TENM3: variants seen among roughly 807,000 people sequenced by gnomAD.
The protein encoded by TENM3 is teneurin transmembrane protein 3.
A neutral mutation model predicts 255.1 loss-of-function variants in TENM3; 63 were observed. That is an observed-to-expected ratio of 0.25 (90% CI 0.20 to 0.30). The LOEUF is 0.30. Ranked by LOEUF, TENM3 falls within the 10% of genes least tolerant of loss-of-function variation. The pLI is 1.00. For synonymous variants in TENM3, 1,306 were observed against 1,322.3 expected, an observed-to-expected ratio of 0.99 and a Z score of 0.27; for missense variants, 2,929 against 3,461.1, an observed-to-expected ratio of 0.85 and a Z score of 3.86.
intron 1 of TENM3, among the ~76,000 whole-genome samples, chr4:182,196,853 G>A (rs1753859866): frequency 6.6e-6 from 1 of 152,098 alleles, no homozygotes; most frequent in African/African-American, 2.4e-5. Context: ...AACCTAAAGA[G>A]CATGGCTTCT....
chr4:181,868,699 T>C, the TENM3 span, among the ~76,000 whole-genome samples: 3 of 152,196 alleles, frequency 2.0e-5, no homozygotes, highest in Admixed American at 6.5e-5. Flanking sequence ...GTAATTAATA[T>C]GGGATGAAGA....
intron 3 of TENM3, among the ~76,000 whole-genome samples, chr4:182,487,153 C>A (rs1734834818): frequency 6.6e-6 from 1 of 152,086 alleles, no homozygotes; most frequent in Non-Finnish European, 1.5e-5. Flanking sequence ...GTGTGGGATA[C>A]AATGTGGAAG....
chr4:181,747,989 C>A, the TENM3 span, among the ~76,000 whole-genome samples: 1 of 151,982 alleles, frequency 6.6e-6, no homozygotes, highest in Admixed American at 6.6e-5. Flanking sequence ...CTTGGCATGT[C>A]TCTACCAGCA....
rs543105073 is a variant in TENM3, at chr4:182,723,407, A to C, written c.2369-5558A>C. ...TTCTAATTCGGACTTGAAACTTGGA[A>C]GTTGAGGGGTGGGGGCGAAGTACCA... On this transcript the variant is annotated intron_variant, in intron 13 of 27. Coordinates refer to ENST00000511685, the MANE Select transcript of TENM3 (RefSeq NM_001080477.4). Among the ~76,000 whole-genome samples the C allele has an allele frequency of 6.7e-4, 102 of 152,266 alleles. 1 individual carries two copies. The South Asian group carries it at 0.021, about 31-fold the overall frequency.
chr4:182,496,334 A>G (rs769889351), intron 3 of TENM3, among the ~76,000 whole-genome samples: 30 of 152,182 alleles, frequency 2.0e-4, no homozygotes, highest in Non-Finnish European at 2.9e-4. Context: ...TTCCTTTTAC[A>G]GAAATGATAT....
chr4:181,683,134 T>A, the TENM3 span, among the ~76,000 whole-genome samples: 1 of 152,054 alleles, frequency 6.6e-6, no homozygotes, highest in Admixed American at 6.5e-5. Context: ...GCAAATAACA[T>A]TGGAGAATTA....
intron 1 of TENM3, among the ~76,000 whole-genome samples, chr4:182,169,072 C>T (rs1751917373): frequency 9.9e-6 from 1 of 100,654 alleles, no homozygotes; most frequent in East Asian, 2.5e-4. Context: ...ATAATCATGC[C>T]ATACACACAC....
chr4:182,333,648 T>G (rs1763920013), intron 2 of TENM3, among the ~76,000 whole-genome samples: 1 of 152,194 alleles, frequency 6.6e-6, no homozygotes, highest in African/African-American at 2.4e-5. Context: ...CTAGGACATT[T>G]CAGTTGAAAT....
chr4:181,894,460 CA>C, the TENM3 span, among the ~76,000 whole-genome samples: 1 of 152,094 alleles, frequency 6.6e-6, no homozygotes, highest in Non-Finnish European at 1.5e-5. Flanking sequence ...TATTTGTTGG[CA>C]GCTGATAAAC....
At chr4:181,808,915 T>G in the TENM3 span, among the ~76,000 whole-genome samples, 1 of 152,226 alleles carries the variant, frequency 6.6e-6, no homozygotes, top group African/African-American at 2.4e-5. Flanking sequence ...GTATTCTAGA[T>G]GAGATGTGTT....
intron 22 of TENM3, among the ~76,000 whole-genome samples, chr4:182,759,742 G>T (rs531672820): frequency 6.6e-6 from 1 of 152,212 alleles, no homozygotes; most frequent in Non-Finnish European, 1.5e-5. Flanking sequence ...TCCCAATAAG[G>T]TTTTTATCAA....
Position 182,799,620 on chromosome 4 carries a change from G to A in TENM3, c.7369G>A (p.Val2457Met). 1 of 1,543,336 alleles carries A rather than the reference G, an allele frequency of 6.5e-7. No homozygotes were observed. The highest frequency in any genetic ancestry group is 1.2e-5 in the South Asian group (1 of 84,050). The change falls in exon 28 of 28, where the codon GTG (valine) becomes ATG (methionine). Residue 2457 changes from valine to methionine, a missense_variant. Physicochemically the swap from Val to Met is conservative, Grantham distance 21 (BLOSUM62 1). Around this residue, in one of 6 missense-constraint regions of TENM3, gnomAD observed 476 missense variants for 480.1 expected, o/e 0.99. Coordinates refer to ENST00000511685, the MANE Select transcript of TENM3 (RefSeq NM_001080477.4). This position sits in a 1 kb window ranked among gnomAD's most constrained non-coding sequence, Gnocchi z 4.2. ...GCCCATCTTCGGAGTCCAGCAGCAA[G>A]TGGCGCGGCAGGCCAAGGCCTTCCT... ...IPPIFGVQQQ[V>M]ARQAKAFLSL...
chr4:181,943,039 C>G, the TENM3 span, among the ~76,000 whole-genome samples: 1 of 152,092 alleles, frequency 6.6e-6, no homozygotes, highest in African/African-American at 2.4e-5. Context: ...TAAGAATTGC[C>G]ATTCAAATAT....
intron 3 of TENM3, chr4:182,350,279 C>T (rs1298970153): frequency 3.3e-5 from 5 of 152,238 alleles, no homozygotes; most frequent in African/African-American, 1.2e-4. Flanking sequence ...TCTCTGTTAG[C>T]TGAGAGTCAA....
chr4:182,042,992 CT>C, the TENM3 span, among the ~76,000 whole-genome samples: 89,762 of 149,266 alleles, frequency 0.6, 29,411 homozygotes, highest in South Asian at 0.76. Flanking sequence ...AGAAGGTCGT[CT>C]TTTTTTTTTT....
intron 4 of TENM3, among the ~76,000 whole-genome samples, chr4:182,620,977 C>T (rs1327934552): frequency 2.6e-5 from 4 of 151,974 alleles, no homozygotes; most frequent in South Asian, 4.1e-4. Context: ...GTCAGGAGAT[C>T]GAGACCATCC....
chr4:181,614,463 G>C, the TENM3 span, among the ~76,000 whole-genome samples: 23 of 152,270 alleles, frequency 1.5e-4, no homozygotes, highest in Non-Finnish European at 3.1e-4. Context: ...CAGAAATCCT[G>C]ATTCCAAAAG....
At chr4:182,452,949 G>C (rs1294961620) in intron 3 of TENM3, among the ~76,000 whole-genome samples, 1 of 152,064 alleles carries the variant, frequency 6.6e-6, no homozygotes, top group Admixed American at 6.6e-5. Flanking sequence ...GGAATACCTT[G>C]TCTTCTGATA....
intron 3 of TENM3, among the ~76,000 whole-genome samples, chr4:182,517,317 G>T (rs7657508): frequency 6.6e-6 from 1 of 150,676 alleles, no homozygotes; most frequent in African/African-American, 2.5e-5. Context: ...CTAGAATTCA[G>T]CAGGCTCTTC....
Sources: allele counts gnomAD v4.1 joint callset (sites outside exome capture counted in the v4.1 genomes callset), GRCh38; gene constraint gnomAD v4.1.1; regional missense constraint gnomAD v4.1.1; non-coding constraint Gnocchi (gnomAD v3.1); transcripts MANE v1.5; gene names NCBI Gene and HGNC (gene_info 2026-07-23, HGNC 2026-07-21).